RASGRF2: variants seen among roughly 807,000 people sequenced by gnomAD.
RASGRF2 encodes the protein ras-specific guanine nucleotide-releasing factor 2.
In RASGRF2, 76 loss-of-function variants were observed where a neutral mutation model predicts 151.0. The observed-to-expected ratio is 0.50, with a 90% CI of 0.42 to 0.61. The LOEUF (loss-of-function observed/expected upper bound fraction) is 0.61, where lower values mean the gene tolerates loss of function less well. Among genes scored for constraint, RASGRF2 ranks in the 20% least tolerant of loss-of-function variants. RASGRF2 has a pLI of 0.00. For missense variants in RASGRF2, 1,148 were observed against 1,564.6 expected (o/e 0.73, Z 4.49); for synonymous variants, 504 against 566.5 (o/e 0.89, Z 1.57).
At chr5:81,185,896 A>G (rs919314893) in intron 18 of RASGRF2, among the ~76,000 whole-genome samples, 21 of 152,336 alleles carry the variant, frequency 1.4e-4, no homozygotes, top group Admixed American at 5.9e-4. Flanking sequence ...ACTGAAAGAC[A>G]TTGGTGCCTG....
intron 2 of RASGRF2, among the ~76,000 whole-genome samples, chr5:81,048,234 A>G (rs1045022062): frequency 2.6e-5 from 4 of 152,252 alleles, no homozygotes; most frequent in African/African-American, 9.6e-5. Flanking sequence ...TAACAGTAAA[A>G]CTGTCACTAC....
intron 18 of RASGRF2, among the ~76,000 whole-genome samples, chr5:81,191,983 G>C (rs956927800): frequency 2.0e-5 from 3 of 151,998 alleles, no homozygotes; most frequent in Non-Finnish European, 4.4e-5. Context: ...CCACATTTTC[G>C]CTGTGCCTTC....
chr5:80,981,400 G>C (rs1204667874), intron 1 of RASGRF2, among the ~76,000 whole-genome samples: 1 of 152,130 alleles, frequency 6.6e-6, no homozygotes, highest in Non-Finnish European at 1.5e-5. Context: ...ACCTTAAAGA[G>C]TGTTCTCAGT....
chr5:81,085,084 A>C (rs1419436249), intron 7 of RASGRF2, among the ~76,000 whole-genome samples: 1 of 152,226 alleles, frequency 6.6e-6, no homozygotes, highest in East Asian at 1.9e-4. Context: ...CACCCAGTCT[A>C]ACCCCCGAGT....
At chr5:81,050,213 T>G (rs1750968011) in intron 2 of RASGRF2, among the ~76,000 whole-genome samples, 1 of 152,184 alleles carries the variant, frequency 6.6e-6, no homozygotes, top group South Asian at 2.1e-4. Flanking sequence ...CTCTGCCACC[T>G]CGCCTGTCTC....
At chr5:81,140,937 G>A (rs1047936312) in intron 17 of RASGRF2, among the ~76,000 whole-genome samples, 2 of 151,906 alleles carry the variant, frequency 1.3e-5, no homozygotes, top group African/African-American at 4.8e-5. Context: ...AGCCCCTGCA[G>A]ATTGTTGCCA....
intron 17 of RASGRF2, among the ~76,000 whole-genome samples, chr5:81,164,298 G>A (rs889588922): frequency 2.6e-5 from 4 of 152,080 alleles, no homozygotes; most frequent in African/African-American, 9.7e-5. Flanking sequence ...TCAGCAACCT[G>A]CACATTCACT....
intron 17 of RASGRF2, among the ~76,000 whole-genome samples, chr5:81,169,002 C>T (rs755348648): frequency 1.3e-5 from 2 of 152,206 alleles, no homozygotes; most frequent in African/African-American, 4.8e-5. Context: ...TGTGGGGCCA[C>T]GGGCTTTGTC....
At chr5:81,083,757 C>T (rs1014396445) in intron 7 of RASGRF2, among the ~76,000 whole-genome samples, 2 of 152,184 alleles carry the variant, frequency 1.3e-5, no homozygotes, top group Admixed American at 6.5e-5. Flanking sequence ...GTAAGCCAAT[C>T]GTGAAATCTG....
intron 2 of RASGRF2, among the ~76,000 whole-genome samples, chr5:81,050,661 G>T (rs892074704): frequency 2.6e-5 from 4 of 152,142 alleles, no homozygotes; most frequent in African/African-American, 7.2e-5. Flanking sequence ...CTTTCAGGAT[G>T]GAGCTCTTAG....
chr5:80,976,628 C>A (rs1293573579), intron 1 of RASGRF2, among the ~76,000 whole-genome samples: 1 of 152,090 alleles, frequency 6.6e-6, no homozygotes, highest in African/African-American at 2.4e-5. Context: ...GTCTGAAGAA[C>A]CCACTGTCTT....
rs141950962 is a variant in RASGRF2, at chr5:81,212,405, G to A, written c.3196G>A (p.Asp1066Asn). The stretch of plus-strand genomic sequence containing the variant: ...GGCCTCCCAGATAATGAACTATGCT[G>A]ATGTCAGCTCCCGTGCCAACGCCAT... ...LVASQIMNYA[D>N]VSSRANAIEK... is the part of the protein sequence containing the mutation. Residue 1066 changes from aspartate to asparagine, a missense_variant, in exon 23 of 27, where the codon GAT becomes AAT. Coordinates refer to ENST00000265080, the MANE Select transcript of RASGRF2 (RefSeq NM_006909.3). 1 of 1,613,692 alleles carries A rather than the reference G, an allele frequency of 6.2e-7. No individual in the cohort carries two copies. The highest frequency in any genetic ancestry group is 8.5e-7 in the Non-Finnish European group (1 of 1,179,696).
chr5:80,961,457 T>C (rs1189151743), intron 1 of RASGRF2, among the ~76,000 whole-genome samples: 1 of 152,184 alleles, frequency 6.6e-6, no homozygotes, highest in Non-Finnish European at 1.5e-5. Flanking sequence ...CGCGTGTAGA[T>C]TTCTTTGCCT....
Position 81,086,936 on chromosome 5 carries a change from A to G in RASGRF2, c.1373A>G (p.Gln458Arg). Residue 458 changes from glutamine (Q) to arginine (R), a missense_variant, in exon 9 of 27, where the codon CAA (glutamine) becomes CGA (arginine). Coordinates refer to ENST00000265080, the MANE Select transcript of RASGRF2 (RefSeq NM_006909.3). ...EGCDILLDTS[Q>R]TFIRQGSLIQ... is the part of the protein sequence containing the mutation. The stretch of plus-strand genomic sequence containing the variant: ...TGTGACATCTTGCTGGACACCAGCC[A>G]AACGTTCATCCGCCAAGGTAAGTCC... The G allele has an allele frequency of 6.2e-7, 1 of 1,613,804 alleles. No homozygotes were observed. The highest frequency in any genetic ancestry group is 8.5e-7 in the Non-Finnish European group (1 of 1,179,678).
At chr5:80,998,782 T>A (rs569262) in intron 1 of RASGRF2, among the ~76,000 whole-genome samples, 218 of 152,202 alleles carry the variant, frequency 1.4e-3, no homozygotes, top group Non-Finnish European at 2.2e-3. Flanking sequence ...GCTTCTGGCC[T>A]GGTTCAGCCA....
rs557866636 is a variant in RASGRF2, at chr5:81,062,390, T to C, written c.396-5642T>C. Among the ~76,000 whole-genome samples, 4 of 152,352 alleles carry C rather than the reference T, an allele frequency of 2.6e-5. No individual in the cohort carries two copies. In the East Asian group the frequency reaches 5.8e-4, roughly 22 times the overall value. On this transcript the variant is annotated intron_variant, in intron 2 of 26. Coordinates refer to ENST00000265080, the MANE Select transcript of RASGRF2 (RefSeq NM_006909.3). ...TTAAAATAATATAATTAAACCTCTA[T>C]TGATTTATCAACTTTAGACAGTATG...
chr5:81,154,758 T>C (rs944828175), intron 17 of RASGRF2, among the ~76,000 whole-genome samples: 2 of 152,224 alleles, frequency 1.3e-5, no homozygotes, highest in Admixed American at 6.5e-5. Context: ...TAGATATTTC[T>C]TTGACATACT....
At chr5:81,133,824 T>C (rs1753683833) in intron 17 of RASGRF2, among the ~76,000 whole-genome samples, 3 of 152,222 alleles carry the variant, frequency 2.0e-5, no homozygotes. Flanking sequence ...TACTGGTAGT[T>C]ACCTGGTACT....
intron 17 of RASGRF2, among the ~76,000 whole-genome samples, chr5:81,157,093 C>T (rs891446590): frequency 5.9e-5 from 9 of 152,072 alleles, no homozygotes; most frequent in Non-Finnish European, 4.4e-5. Context: ...CGGCTGGGCG[C>T]GGTGGCTCAC....
Sources: gnomAD v4.1 joint callset for allele counts (sites outside exome capture counted in the v4.1 genomes callset) on GRCh38, gnomAD v4.1.1 for gene constraint, MANE v1.5 for transcripts, NCBI Gene and HGNC (gene_info 2026-07-23, HGNC 2026-07-21) for gene names.